EGFR: variants seen among roughly 807,000 people sequenced by gnomAD.
EGFR encodes epidermal growth factor receptor.
EGFR carries 58 observed loss-of-function variants against 143.0 expected under a neutral mutation model. That is an observed-to-expected ratio of 0.41 (90% confidence interval 0.33 to 0.50). EGFR has a LOEUF of 0.50. Ranked by LOEUF, EGFR falls within the 20% of genes least tolerant of loss-of-function variation. The probability of loss-of-function intolerance (pLI) is 0.39; values close to 1 mark genes in which losing one functional copy is unlikely to be tolerated. For synonymous variants in EGFR, 613 were observed against 594.4 expected (o/e 1.03, Z -0.45); for missense variants, 1,307 against 1,579.0 (o/e 0.83, Z 2.92).
chr7:55,170,721 C>T, intron 15 of EGFR: 1 of 1,504,080 alleles, frequency 6.6e-7, no homozygotes, highest in African/African-American at 1.4e-5. Context: ...TTCCTCCTCG[C>T]TGCCAGATGA....
chr7:55,062,284 ACT>A (rs2128879569), intron 1 of EGFR, among the ~76,000 whole-genome samples: 1 of 152,134 alleles, frequency 6.6e-6, no homozygotes, highest in African/African-American at 2.4e-5. Context: ...ATTTCGGCAC[ACT>A]CTCTTGCGTC....
intron 1 of EGFR, among the ~76,000 whole-genome samples, chr7:55,125,188 T>C (rs1420432856): frequency 6.6e-6 from 1 of 152,184 alleles, no homozygotes; most frequent in African/African-American, 2.4e-5. Context: ...GGAGGCCTAA[T>C]GGGCCCTTCT....
intron 27 of EGFR, among the ~76,000 whole-genome samples, chr7:55,203,842 T>TTA (rs1179521616): frequency 6.6e-6 from 1 of 151,514 alleles, no homozygotes; most frequent in Admixed American, 6.6e-5. Flanking sequence ...AAAACATATG[T>TTA]TATATATATG....
intron 1 of EGFR, among the ~76,000 whole-genome samples, chr7:55,126,885 G>T (rs1245761287): frequency 1.3e-5 from 2 of 152,140 alleles, no homozygotes; most frequent in Admixed American, 1.3e-4. Context: ...GAGGTAGAAG[G>T]TTTACTAAGG....
At chr7:55,173,166 C>G (rs774883035) in intron 17 of EGFR, 42 bp downstream of exon 17, 1 of 1,601,686 alleles carries the variant, frequency 6.2e-7, no homozygotes, top group Non-Finnish European at 8.5e-7. Context: ...CCTCGCACCC[C>G]GACAGGAACA....
In EGFR at chr7:55,021,545, TAGG is replaced by T. The variant is rs766854107; in HGVS notation, c.88+2183_88+2185del. 4.3e-4 allele frequency among the ~76,000 whole-genome samples: 65 copies of T among 152,036 alleles called. 2 individuals are homozygous for T. The highest frequency in any genetic ancestry group is 2.0e-4 in the Admixed American group (3 of 15,270). ...ATGCTCCTGAAGACAAGAGAGAGAG[TAGG>T]AGAACAGACGCTATTCCATTACAGT... On this transcript the variant is annotated intron_variant, in intron 1 of 27. Transcript: ENST00000275493.
chr7:55,049,647 C>T (rs60351580), intron 1 of EGFR, among the ~76,000 whole-genome samples: 6,555 of 152,204 alleles, frequency 0.043, 271 homozygotes, highest in South Asian at 0.13. Flanking sequence ...ATGACTGCTT[C>T]ATGCTCCTTC....
At chr7:55,092,292 G>A (rs1047728268) in intron 1 of EGFR, among the ~76,000 whole-genome samples, 2 of 152,206 alleles carry the variant, frequency 1.3e-5, no homozygotes, top group Non-Finnish European at 2.9e-5. Flanking sequence ...TATTTGAGAA[G>A]CCCAGGAGTG....
At chr7:55,069,683 C>G (rs1002470652) in intron 1 of EGFR, among the ~76,000 whole-genome samples, 2 of 152,230 alleles carry the variant, frequency 1.3e-5, no homozygotes, top group African/African-American at 4.8e-5. Context: ...AACTTCAGGT[C>G]CCTTTGACAG....
chr7:55,178,697 C>T (rs993233687), intron 19 of EGFR, among the ~76,000 whole-genome samples: 2 of 152,328 alleles, frequency 1.3e-5, no homozygotes, highest in Admixed American at 1.3e-4. Context: ...GGGATATTTT[C>T]AATATCTACT....
chr7:55,094,996 T>G (rs1263330126), intron 1 of EGFR, among the ~76,000 whole-genome samples: 2 of 152,236 alleles, frequency 1.3e-5, no homozygotes, highest in African/African-American at 4.8e-5. Context: ...GGCAGCCTTA[T>G]GTCAGGGCTC....
rs1367027794 is a variant in EGFR at position 55,208,445 on chromosome 7, A to G, written c.*2828A>G. 6.6e-6 allele frequency: 1 copy of G among 152,176 alleles called. No individual in the cohort carries two copies. The highest frequency in any genetic ancestry group is 2.4e-5 in the African/African-American group (1 of 41,430). The allele number at this position is 152,176 out of a possible 1,614,324, so 9.4% of individuals were successfully genotyped here. On this transcript the variant is annotated 3_prime_UTR_variant, in exon 28 of 28. Transcript: ENST00000275493. Reference sequence around the variant, plus strand: ...GTCAGTTCCTGGAAGACCTTACCCCATGACCCCAGCTTCAGATGTGGTCTT... The same window carrying G: ...GTCAGTTCCTGGAAGACCTTACCCCGTGACCCCAGCTTCAGATGTGGTCTT...
chr7:55,183,616 A>G (rs1786993868), intron 20 of EGFR, among the ~76,000 whole-genome samples: 1 of 152,204 alleles, frequency 6.6e-6, no homozygotes, highest in African/African-American at 2.4e-5. Flanking sequence ...TGGAACCCAG[A>G]CCTGCTTCCC....
At chr7:55,101,885 A>G (rs1791852125) in intron 1 of EGFR, among the ~76,000 whole-genome samples, 1 of 152,096 alleles carries the variant, frequency 6.6e-6, no homozygotes, top group Non-Finnish European at 1.5e-5. Context: ...AGCAATTTTG[A>G]CTTAATTTCT....
intron 1 of EGFR, among the ~76,000 whole-genome samples, chr7:55,023,943 T>A (rs1219390704): frequency 6.6e-6 from 1 of 152,162 alleles, no homozygotes; most frequent in Non-Finnish European, 1.5e-5. Flanking sequence ...TTGGACGACA[T>A]CTCTAGATTG....
At chr7:55,056,204 T>A (rs912246257) in intron 1 of EGFR, among the ~76,000 whole-genome samples, 3 of 152,052 alleles carry the variant, frequency 2.0e-5, no homozygotes, top group Non-Finnish European at 4.4e-5. Context: ...TATGGAAAAA[T>A]CATCAGTATT....
At chr7:55,125,293 CTAAT>C (rs1793457490) in intron 1 of EGFR, among the ~76,000 whole-genome samples, 2 of 152,324 alleles carry the variant, frequency 1.3e-5, no homozygotes, top group African/African-American at 2.4e-5. Flanking sequence ...ATTGAGAAAA[CTAAT>C]TATTAGTCAT....
intron 23 of EGFR, among the ~76,000 whole-genome samples, chr7:55,199,765 T>G (rs2740764): frequency 0.19 from 27,759 of 149,274 alleles, 3,227 homozygotes; most frequent in Non-Finnish European, 0.25. Context: ...CTGTGGAAGT[T>G]GCCAGCACAG....
rs1463462281 is a variant in EGFR at position 55,189,410 on chromosome 7, A to G, written c.2470-2309A>G. On this transcript the variant is annotated intron_variant, in intron 20 of 27. Coordinates refer to ENST00000275493, the MANE Select transcript of EGFR (RefSeq NM_005228.5). ...CCAGTGCTCAGCACTGTCAGCTGCT[A>G]TCACCAGTCATTCAATCATTCATTC... 2.7e-5 allele frequency among the ~76,000 whole-genome samples: 3 copies of G among 110,390 alleles called. No individual in the cohort carries two copies. The East Asian group carries it at 9.2e-4, about 34-fold the overall frequency. The allele number at this position is 110,390 out of a possible 152,430, so 72.4% of individuals were successfully genotyped here. A position where few individuals can be genotyped will look rare whatever the true frequency, so the allele number is the denominator to read the frequency against.
Sources: gnomAD v4.1 joint callset for allele counts (sites outside exome capture counted in the v4.1 genomes callset) on GRCh38, gnomAD v4.1.1 for gene constraint, MANE v1.5 for transcripts, NCBI Gene and HGNC (gene_info 2026-07-23, HGNC 2026-07-21) for gene names.